ZNF20: variants seen among roughly 807,000 people sequenced by gnomAD.
ZNF20 encodes the protein zinc finger protein KOX13.
ZNF20 carries 9 observed loss-of-function variants against 11.0 expected under a neutral mutation model. That is an observed-to-expected ratio of 0.82 (90% CI 0.49 to 1.43). The LOEUF is 1.43. Ranked by LOEUF, ZNF20 falls within the 40% of genes most tolerant of loss-of-function variation. ZNF20 has a pLI of 0.00. For synonymous variants in ZNF20, 182 were observed against 213.0 expected (o/e 0.85, Z 1.27); for missense variants, 528 against 640.8 (o/e 0.82, Z 1.90).
intron 3 of ZNF20, among the ~76,000 whole-genome samples, 200 bp from the exon 4 acceptor site, chr19:12,134,185 G>A (rs865848391): frequency 4.0e-5 from 6 of 151,882 alleles, no homozygotes; most frequent in Admixed American, 1.3e-4. Flanking sequence ...TTAGCTGGGC[G>A]TGGTGGCAGG....
rs175242 is a variant in ZNF20 at position 12,139,344 on chromosome 19, A to G, written c.3+836T>C. On this transcript the variant is annotated intron_variant, in intron 1 of 3. Transcript: ENST00000334213. The surrounding 1 kb of genome is among the most constrained non-coding windows in gnomAD (Gnocchi z 4.0). ...GCTCAGCCCCGCTTGCACACTGTGGAGTGTTAAATCCCTTCATTCCTTCCT... is the reference window on the plus strand; with the variant it reads ...GCTCAGCCCCGCTTGCACACTGTGGGGTGTTAAATCCCTTCATTCCTTCCT... Among the ~76,000 whole-genome samples the G allele has an allele frequency of 1.7e-3, 261 of 152,270 alleles. 1 individual carries two copies. The highest frequency in any genetic ancestry group is 6.0e-3 in the African/African-American group (251 of 41,550).
chr19:12,133,890 A>T lies in ZNF20; in HGVS notation c.296T>A (p.Leu99His), dbSNP rs1489788203. The change falls in exon 4 of 4, where the codon CTT becomes CAT. Residue 99 changes from leucine (L) to histidine (H), a missense_variant. Coordinates refer to ENST00000334213, the MANE Select transcript of ZNF20 (RefSeq NM_021143.4). ...GCTTTCACATGGTGTTATTCCAGGA[A>T]GAGTTTTCCTGTTCAGCATGTCATC... is the stretch of plus-strand genomic sequence containing the variant. ...IADDMLNRKT[L>H]PGITPCESSV... 2 of 1,614,182 alleles carry T rather than the reference A, an allele frequency of 1.2e-6. No homozygotes were observed. The highest frequency in any genetic ancestry group is 8.5e-7 in the Non-Finnish European group (1 of 1,180,004).
In ZNF20 at chr19:12,135,817, G is replaced by C; in HGVS notation, c.91C>G (p.Leu31Val). The C allele has an allele frequency of 6.2e-7, 1 of 1,614,116 alleles. No homozygotes were observed. ...WALLDPSQKNLYRDVMQETFK... is the reference protein window; with the variant it reads ...WALLDPSQKNVYRDVMQETFK... ...GTTTCCTGCATCACATCCCTGTAGAGATTCTTCTGGGAAGGATCCAGCAAA... is the reference window on the plus strand; with the variant it reads ...GTTTCCTGCATCACATCCCTGTAGACATTCTTCTGGGAAGGATCCAGCAAA... The change falls in exon 2 of 4, where the codon CTC becomes GTC. Residue 31 changes from leucine (L) to valine (V), a missense_variant. Transcript: ENST00000334213.
At chr19:12,138,119 T>C (rs1007593644) in intron 1 of ZNF20, among the ~76,000 whole-genome samples, 8 of 152,012 alleles carry the variant, frequency 5.3e-5, no homozygotes, top group African/African-American at 1.7e-4. Context: ...AAAAGATAGA[T>C]TGGGACTCCT....
At chr19:12,135,971 G>A in intron 1 of ZNF20, 67 bp from the exon 2 acceptor site, 1 of 1,571,700 alleles carries the variant, frequency 6.4e-7, no homozygotes, top group Non-Finnish European at 8.6e-7. Flanking sequence ...TTCCTAAGAA[G>A]TTCTCATGAT....
rs990501137 is a variant in ZNF20, at chr19:12,139,757, C to T, written c.3+423G>A. ...GTGTTAGCCTGGATGGTCTCGATCT[C>T]CTGACTTCGTGATCCGCAAGCCTCG... is the stretch of plus-strand genomic sequence containing the variant. On this transcript the variant is annotated intron_variant, in intron 1 of 3. Coordinates refer to ENST00000334213, the MANE Select transcript of ZNF20 (RefSeq NM_021143.4). The surrounding 1 kb of genome is among the most constrained non-coding windows in gnomAD (Gnocchi z 4.0). 6.6e-6 allele frequency among the ~76,000 whole-genome samples: 1 copy of T among 152,044 alleles called. No individual in the cohort carries two copies. The highest frequency in any genetic ancestry group is 6.6e-5 in the Admixed American group (1 of 15,244).
Position 12,133,365 on chromosome 19 carries a change from TTA to T in ZNF20, c.819_820del (p.His273GlnfsTer11). On this transcript the variant is annotated frameshift_variant, in exon 4 of 4. Coordinates refer to ENST00000334213, the MANE Select transcript of ZNF20 (RefSeq NM_021143.4). LOFTEE classifies it low-confidence loss of function (END_TRUNC). ...GGGTTTTTCTCCAGTGTGAGACCTT[TTA>T]TGTCTACGAATTTCACTAGGAAAAC... The T allele has an allele frequency of 6.2e-7, 1 of 1,614,252 alleles. No individual in the cohort carries two copies. Among genetic ancestry groups the T allele is most frequent in the Non-Finnish European group, 8.5e-7 (1 of 1,180,042 alleles).
In ZNF20 at chr19:12,139,876, C is replaced by T. The variant is rs962925752; in HGVS notation, c.3+304G>A. ...AAATCCGCAGGATTCCCCCATGACC[C>T]TCCCGTGGTCCCCGCAAAATCTGAA... On this transcript the variant is annotated intron_variant, in intron 1 of 3. Transcript: ENST00000334213. This position sits in a 1 kb window ranked among gnomAD's most constrained non-coding sequence, Gnocchi z 4.0. Among the ~76,000 whole-genome samples, 3 of 152,202 alleles carry T rather than the reference C, an allele frequency of 2.0e-5. No individual in the cohort carries two copies. The highest frequency in any genetic ancestry group is 7.2e-5 in the African/African-American group (3 of 41,456).
At chr19:12,136,853 G>GGTCCTCTGTCCCTGGGCGACAGA (rs1568384678) in intron 1 of ZNF20, 3 of 448,184 alleles carry the variant, frequency 6.7e-6, no homozygotes, top group African/African-American at 4.0e-5. Flanking sequence ...TCACTTACCA[G>GGTCCTCTGTCCCTGGGCGACAGA]AAGGAACAGG....
rs762742293 is a variant in ZNF20 at position 12,132,869 on chromosome 19, A to G, written c.1317T>C (p.His439=). Residue 439 remains histidine (H), a synonymous_variant, in exon 4 of 4, where the codon CAT becomes CAC. Transcript: ENST00000334213. ...CTCCAGTGTGTGTCCTTTCATGTAT[A>G]TGCAAGGAAGAGAAATACCTGAATG... ...GKAFRYFSSL[H]IHERTHTGDK... 5.3e-5 allele frequency: 86 copies of G among 1,613,974 alleles called. No homozygotes were observed. Among genetic ancestry groups the G allele is most frequent in the Non-Finnish European group, 7.0e-5 (83 of 1,180,014 alleles).
chr19:12,133,268 A>G lies in ZNF20; in HGVS notation c.918T>C (p.Thr306=), dbSNP rs964660998. The G allele has an allele frequency of 6.8e-6, 11 of 1,614,256 alleles. No individual in the cohort carries two copies. Among genetic ancestry groups the G allele is most frequent in the Non-Finnish European group, 8.5e-6 (10 of 1,180,044 alleles). ...GCTTACATTCATAGGGTTTCTCTCC[A>G]GTGTGAGTCATCTTATGATACTGAA... ...SSIQYHKMTH[T]GEKPYECKQC... Residue 306 remains threonine, a synonymous_variant, in exon 4 of 4, where the codon ACT becomes ACC. Transcript: ENST00000334213.
rs754295515 is a variant in ZNF20, at chr19:12,132,904, A to T, written c.1282T>A (p.Cys428Ser). ...GAGAAATACCTGAATGCTTTTCCAC[A>T]TTGCTTACATTCATGGGGCTTCTCT... The part of the protein sequence containing the change: ...TGEKPHECKQ[C>S]GKAFRYFSSL... Residue 428 changes from cysteine (C) to serine (S), a missense_variant, in exon 4 of 4, where the codon TGT (cysteine) becomes AGT (serine). Coordinates refer to ENST00000334213, the MANE Select transcript of ZNF20 (RefSeq NM_021143.4). 4 of 1,614,140 alleles carry T rather than the reference A, an allele frequency of 2.5e-6. No individual in the cohort carries two copies. The South Asian group carries it at 4.4e-5, about 18-fold the overall frequency.
intron 1 of ZNF20, among the ~76,000 whole-genome samples, chr19:12,137,471 C>T (rs1976730759): frequency 1.3e-5 from 2 of 152,108 alleles, no homozygotes; most frequent in Non-Finnish European, 2.9e-5. Flanking sequence ...CTTGACTTGC[C>T]CCACTGACCC....
rs1976700760 is a variant in ZNF20, at chr19:12,135,800, C to T, written c.108G>A (p.Met36Ile). ...AGGTCAGGTTCTTGAAGGTTTCCTG[C>T]ATCACATCCCTGTAGAGATTCTTCT... ...PSQKNLYRDV[M>I]QETFKNLTSV... The change falls in exon 2 of 4, where the codon ATG becomes ATA. Residue 36 changes from methionine (M) to isoleucine (I), a missense_variant. Transcript: ENST00000334213. The T allele has an allele frequency of 1.2e-6, 2 of 1,613,886 alleles. No individual in the cohort carries two copies. The highest frequency in any genetic ancestry group is 2.7e-5 in the African/African-American group (2 of 74,908).
intron 3 of ZNF20, 122 bp downstream of exon 3, chr19:12,135,378 G>A: frequency 1.0e-6 from 1 of 957,636 alleles, no homozygotes; most frequent in East Asian, 2.5e-5. Context: ...CTGACCTTGG[G>A]ATTCACCCAC....
Position 12,132,379 on chromosome 19 carries a change from C to T in ZNF20, c.*208G>A. The T allele has an allele frequency of 1.9e-6, 1 of 535,942 alleles. No homozygotes were observed. Among genetic ancestry groups the T allele is most frequent in the Non-Finnish European group, 3.2e-6 (1 of 315,318 alleles). 33.2% of individuals were successfully genotyped at this position (535,942 alleles called of 1,614,324 possible). ...GTGACTGATGCCTTCCTTTTCTGTG[C>T]CTTTGAAATCTCATGCAAGATTGGC... On this transcript the variant is annotated 3_prime_UTR_variant, in exon 4 of 4. Transcript: ENST00000334213.
chr19:12,133,161 C>G lies in ZNF20; in HGVS notation c.1025G>C (p.Arg342Thr). 6.2e-6 allele frequency: 10 copies of G among 1,604,084 alleles called. No individual in the cohort carries two copies. Among genetic ancestry groups the G allele is most frequent in the Non-Finnish European group, 7.7e-6 (9 of 1,176,212 alleles). Residue 342 changes from arginine to threonine, a missense_variant, in exon 4 of 4, where the codon AGG (arginine) becomes ACG (threonine). Transcript: ENST00000334213. ...THTGEKPYEC[R>T]QCGKAFRCTS... The stretch of plus-strand genomic sequence containing the variant: ...ACATCTGAAGGCTTTACCACATTGC[C>G]TACATTCATAGGGTTTCTCTCCAGT...
In ZNF20 at chr19:12,133,090, G is replaced by A. The variant is rs377501935; in HGVS notation, c.1096C>T (p.Pro366Ser). The A allele has an allele frequency of 1.9e-6, 3 of 1,613,852 alleles. No homozygotes were observed. The highest frequency in any genetic ancestry group is 2.7e-5 in the African/African-American group (2 of 74,846). Residue 366 changes from proline to serine, a missense_variant, in exon 4 of 4, where the codon CCC becomes TCC. Pro to Ser is a moderately conservative substitution (Grantham distance 74, BLOSUM62 -1). Coordinates refer to ENST00000334213, the MANE Select transcript of ZNF20 (RefSeq NM_021143.4). The part of the protein sequence containing the change: ...RHEKTHTEDK[P>S]YGCKQCGKGF... Reference sequence around the variant, plus strand: ...TTCCCACACTGCTTACATCCATAGGGTTTATCCTCAGTGTGTGTCTTTTCA... The same window carrying A: ...TTCCCACACTGCTTACATCCATAGGATTTATCCTCAGTGTGTGTCTTTTCA...
At chr19:12,138,500 G>A (rs1227879595) in intron 1 of ZNF20, among the ~76,000 whole-genome samples, 1 of 151,444 alleles carries the variant, frequency 6.6e-6, no homozygotes, top group Non-Finnish European at 1.5e-5. Context: ...TGGTGTCTGT[G>A]CCTTACGAAG....
Sources: allele counts gnomAD v4.1 joint callset (sites outside exome capture counted in the v4.1 genomes callset), GRCh38; gene constraint gnomAD v4.1.1; non-coding constraint Gnocchi (gnomAD v3.1); transcripts MANE v1.5; gene names NCBI Gene and HGNC (gene_info 2026-07-23, HGNC 2026-07-21).